The following LCOR variants were observed in gnomAD, a reference collection of about 807,000 sequenced individuals.
The protein encoded by LCOR is ligand-dependent corepressor.
A neutral mutation model predicts 64.4 loss-of-function variants in LCOR; 14 were observed. That is an observed-to-expected ratio of 0.22 (90% CI 0.14 to 0.34). LCOR has a LOEUF of 0.34. Among genes scored for constraint, LCOR ranks in the 10% least tolerant of loss-of-function variants. The pLI is 1.00. For missense variants in LCOR, 1,686 were observed against 1,765.3 expected, an observed-to-expected ratio of 0.96 and a Z score of 0.80; for synonymous variants, 643 against 642.5, an observed-to-expected ratio of 1.00 and a Z score of -0.01.
chr10:96,929,761 CAAGCTTTTGATTTAAAGTGAGAG>C (rs1847226151), intron 4 of LCOR, among the ~76,000 whole-genome samples: 1 of 152,110 alleles, frequency 6.6e-6, no homozygotes, highest in Non-Finnish European at 1.5e-5. Flanking sequence ...ATCAAAAGCT[CAAGCTTTTGATTTAAAGTGAGAG>C]ACATGCAACT....
chr10:96,989,695 A>ATATATATATATATAT lies in LCOR; in HGVS notation c.*4562_*4563insATATATATATATATT, dbSNP rs1371771053. 9.3e-5 allele frequency: 8 copies of ATATATATATATATAT among 86,166 alleles called. No homozygotes were observed. The highest frequency in any genetic ancestry group is 4.9e-4 in the African/African-American group (8 of 16,176). 5.3% of individuals were successfully genotyped at this position (86,166 alleles called of 1,614,324 possible). ...TAAGGATATATATATATATATATAT[A>ATATATATATATATAT]TTTTTTTTTTTTTTTTTTTTTTTTA... On this transcript the variant is annotated 3_prime_UTR_variant, in exon 8 of 8. Transcript: ENST00000421806.
rs542305323 is a variant in LCOR, at chr10:96,833,528, C to T, written c.-330+49C>T. ...CGCTCCGCCCGCCGCCCCCTAGCCC[C>T]AGTCCATCCTTGTGTCTGACTCTCC... On this transcript the variant is annotated intron_variant, in intron 2 of 7. Transcript: ENST00000421806. The T allele has an allele frequency of 2.2e-4, 178 of 805,224 alleles. No individual in the cohort carries two copies. The African/African-American group carries it at 3.0e-3, about 14-fold the overall frequency. The allele number at this position is 805,224 out of a possible 1,614,324, so 49.9% of individuals were successfully genotyped here.
intron 2 of LCOR, among the ~76,000 whole-genome samples, chr10:96,838,084 G>T (rs1234701375): frequency 6.6e-6 from 1 of 152,106 alleles, no homozygotes; most frequent in East Asian, 1.9e-4. Flanking sequence ...TGCTCTGGGG[G>T]TAAAAATCCA....
intron 2 of LCOR, among the ~76,000 whole-genome samples, chr10:96,841,285 G>A (rs1845535748): frequency 6.6e-6 from 1 of 151,666 alleles, no homozygotes; most frequent in African/African-American, 2.4e-5. Context: ...AAAGCAGAAA[G>A]TATCAGAAAA....
At chr10:96,895,146 T>A (rs1455650707) in intron 2 of LCOR, among the ~76,000 whole-genome samples, 2 of 152,208 alleles carry the variant, frequency 1.3e-5, no homozygotes, top group Non-Finnish European at 2.9e-5. Context: ...CCTTTTAACT[T>A]CAAAGTCACC....
chr10:96,834,482 C>G (rs1432207233), intron 2 of LCOR, among the ~76,000 whole-genome samples: 3 of 152,088 alleles, frequency 2.0e-5, no homozygotes, highest in African/African-American at 7.2e-5. Flanking sequence ...TAAAATGTTA[C>G]GTCGGTTTAA....
rs1380245226 is a variant in LCOR, at chr10:96,993,643, A to G, written c.*8509A>G. The G allele has an allele frequency of 1.3e-5, 2 of 151,944 alleles. No individual in the cohort carries two copies. Among genetic ancestry groups the G allele is most frequent in the African/African-American group, 4.8e-5 (2 of 41,388 alleles). The allele number at this position is 151,944 out of a possible 1,614,324, so 9.4% of individuals were successfully genotyped here. ...CATAACACAGTTCACACATGGAGAA[A>G]GAACAAAAACCAGCAGGTTGAGAGC... On this transcript the variant is annotated 3_prime_UTR_variant, in exon 8 of 8. Coordinates refer to ENST00000421806, the MANE Select transcript of LCOR (RefSeq NM_001346516.2).
intron 7 of LCOR, chr10:96,956,756 G>A: frequency 1.0e-6 from 1 of 985,788 alleles, no homozygotes. Flanking sequence ...CTCAGGAGCA[G>A]TCAGGGTACA....
intron 2 of LCOR, among the ~76,000 whole-genome samples, chr10:96,885,553 A>ATT (rs144687202): frequency 3.1e-4 from 36 of 117,760 alleles, no homozygotes; most frequent in East Asian, 1.2e-3. Flanking sequence ...GGCTAATTGA[A>ATT]TTTTTTTTTT....
chr10:96,837,613 A>G (rs376086389), intron 2 of LCOR, among the ~76,000 whole-genome samples: 11 of 152,352 alleles, frequency 7.2e-5, no homozygotes, highest in African/African-American at 2.4e-4. Context: ...CAAGAGTATT[A>G]TCTTCTAAGC....
intron 4 of LCOR, among the ~76,000 whole-genome samples, chr10:96,926,484 T>A (rs749982222): frequency 1.3e-5 from 2 of 152,188 alleles, no homozygotes; most frequent in African/African-American, 2.4e-5. Context: ...TTTCAAGTGA[T>A]TAGTTCAAGA....
chr10:96,853,556 G>A (rs1254950182), intron 2 of LCOR, among the ~76,000 whole-genome samples: 1 of 152,172 alleles, frequency 6.6e-6, no homozygotes, highest in Non-Finnish European at 1.5e-5. Flanking sequence ...GTAGTCAGCT[G>A]TGTTGTTGTT....
At chr10:96,955,146 G>A (rs896059510) in intron 7 of LCOR, 8 of 1,614,126 alleles carry the variant, frequency 5.0e-6, no homozygotes, top group Non-Finnish European at 6.8e-6. Flanking sequence ...TGCCAGCCTT[G>A]GGCCATCTGG....
intron 4 of LCOR, among the ~76,000 whole-genome samples, chr10:96,919,423 C>T (rs932302696): frequency 6.6e-6 from 1 of 152,076 alleles, no homozygotes. Context: ...TTCTCTTCCC[C>T]CCTTCCCCTT....
intron 2 of LCOR, among the ~76,000 whole-genome samples, chr10:96,876,768 C>T (rs1846171386): frequency 6.6e-6 from 1 of 152,138 alleles, no homozygotes; most frequent in Non-Finnish European, 1.5e-5. Context: ...CAGTTCACTG[C>T]AATCTCCGCC....
At position 96,995,736 on chromosome 10, in the gene LCOR, T is replaced by C. The variant is rs1230330543; in HGVS notation, c.*10602T>C. ...TGTGTTTTGCTTTCCTATCAGGCCA[T>C]GTAGGAAACTGTGTTCTTGTTATTG... On this transcript the variant is annotated 3_prime_UTR_variant, in exon 8 of 8. Transcript: ENST00000421806. The surrounding 1 kb of genome is among the most constrained non-coding windows in gnomAD (Gnocchi z 4.2). 2.0e-5 allele frequency: 3 copies of C among 152,220 alleles called. No homozygotes were observed. Among genetic ancestry groups the C allele is most frequent in the Admixed American group, 6.5e-5 (1 of 15,286 alleles). The allele number at this position is 152,220 out of a possible 1,614,324, so 9.4% of individuals were successfully genotyped here.
At chr10:96,916,586 G>GATATATATAT (rs1436649113) in intron 4 of LCOR, among the ~76,000 whole-genome samples, 2 of 129,100 alleles carry the variant, frequency 1.5e-5, no homozygotes, top group South Asian at 6.1e-4. Flanking sequence ...ATATTTAAAG[G>GATATATATAT]CTATATATAT....
rs769810945 is a variant in LCOR, at chr10:96,991,022, T to TAAAAAAAAAAAAAAAAAA, written c.*5894_*5911dup. 3.9e-5 allele frequency: 3 copies of TAAAAAAAAAAAAAAAAAA among 77,262 alleles called. 1 individual carries two copies. The highest frequency in any genetic ancestry group is 8.1e-5 in the Non-Finnish European group (3 of 37,126). The allele number at this position is 77,262 out of a possible 1,614,324, so 4.8% of individuals were successfully genotyped here. On this transcript the variant is annotated 3_prime_UTR_variant, in exon 8 of 8. Coordinates refer to ENST00000421806, the MANE Select transcript of LCOR (RefSeq NM_001346516.2). ...TTTTACCCTTTTTTAAAGGGTTATG[T>TAAAAAAAAAAAAAAAAAA]AAAAAAAAAAAAAAAAAAAAAAAGC... is the stretch of plus-strand genomic sequence containing the variant.
intron 4 of LCOR, among the ~76,000 whole-genome samples, chr10:96,928,880 C>T (rs1847211360): frequency 6.6e-6 from 1 of 152,184 alleles, no homozygotes; most frequent in Non-Finnish European, 1.5e-5. Flanking sequence ...CCTTGTACAT[C>T]TCCATCAGAG....
Sources: allele counts gnomAD v4.1 joint callset (sites outside exome capture counted in the v4.1 genomes callset), GRCh38; gene constraint gnomAD v4.1.1; non-coding constraint Gnocchi (gnomAD v3.1); transcripts MANE v1.5; gene names NCBI Gene and HGNC (gene_info 2026-07-23, HGNC 2026-07-21).